Variants in RBFOX1 observed in about 807,000 individuals in gnomAD.
RBFOX1 encodes RNA binding fox-1 homolog 1, also known as RNA binding protein fox-1 homolog 1.
RBFOX1 carries 8 observed loss-of-function variants against 57.7 expected under a neutral mutation model. That is an observed-to-expected ratio of 0.14 (90% CI 0.08 to 0.25). The LOEUF (loss-of-function observed/expected upper bound fraction) is 0.25, where lower values mean the gene tolerates loss of function less well. Among genes scored for constraint, RBFOX1 ranks in the 10% least tolerant of loss-of-function variants. The pLI is 1.00. For missense variants in RBFOX1, 611 were observed against 548.5 expected (o/e 1.11, Z -1.14); for synonymous variants, 326 against 222.4 (o/e 1.47, Z -4.15).
chr16:6,564,461 AAAAC>A (rs200272218), intron 2 of RBFOX1, among the ~76,000 whole-genome samples: 4,347 of 111,238 alleles, frequency 0.039, 215 homozygotes, highest in African/African-American at 0.11. Context: ...CTCTGTCTCA[AAAAC>A]AAACAAAAAC....
intron 4 of RBFOX1, among the ~76,000 whole-genome samples, chr16:7,208,187 CTG>C (rs1464671894): frequency 6.6e-6 from 1 of 152,124 alleles, no homozygotes; most frequent in Non-Finnish European, 1.5e-5. Flanking sequence ...AGGTATGAAA[CTG>C]TAGCCAATTA....
At chr16:7,246,496 C>T (rs2094304962) in intron 4 of RBFOX1, among the ~76,000 whole-genome samples, 3 of 152,144 alleles carry the variant, frequency 2.0e-5, no homozygotes, top group African/African-American at 7.2e-5. Flanking sequence ...CATTATCTGG[C>T]CTCTCTCCAG....
intron 3 of RBFOX1, among the ~76,000 whole-genome samples, chr16:7,025,225 C>A (rs1163525555): frequency 6.6e-6 from 1 of 152,128 alleles, no homozygotes; most frequent in Non-Finnish European, 1.5e-5. Context: ...TCATGTCTCC[C>A]CTTTTTAGAC....
Position 6,649,066 on chromosome 16 carries a change from C to T in RBFOX1, c.-63-5537C>T, listed in dbSNP as rs143461779. Among the ~76,000 whole-genome samples, 395 of 152,308 alleles carry T rather than the reference C, an allele frequency of 2.6e-3. 2 individuals carry two copies. The highest frequency in any genetic ancestry group is 8.6e-3 in the African/African-American group (358 of 41,572). ...ATTTTAACTTATTCCTCCTGTCTCA[C>T]TGAAATTTTATGTCTTTAGGCCCAG... On this transcript the variant is annotated intron_variant, in intron 2 of 15. Transcript: ENST00000550418.
chr16:7,536,330 A>T (rs2081459159), intron 5 of RBFOX1, among the ~76,000 whole-genome samples: 1 of 152,244 alleles, frequency 6.6e-6, no homozygotes, highest in Non-Finnish European at 1.5e-5. Flanking sequence ...GCGGTGGCTC[A>T]TGCCTGTATT....
chr16:7,196,442 T>C (rs1419059315), intron 4 of RBFOX1, among the ~76,000 whole-genome samples: 1 of 152,204 alleles, frequency 6.6e-6, no homozygotes, highest in East Asian at 1.9e-4. Context: ...TTCAGACCAT[T>C]GCCAACACTG....
intron 4 of RBFOX1, among the ~76,000 whole-genome samples, chr16:7,082,312 C>A (rs1432100337): frequency 6.6e-6 from 1 of 151,984 alleles, no homozygotes; most frequent in Non-Finnish European, 1.5e-5. Context: ...TGGGCGTGGT[C>A]GTTTCTGCCT....
intron 2 of RBFOX1, among the ~76,000 whole-genome samples, chr16:6,628,649 T>G (rs776473252): frequency 3.3e-5 from 5 of 152,154 alleles, no homozygotes; most frequent in Non-Finnish European, 7.3e-5. Flanking sequence ...CATGGTTTGT[T>G]TGTGGTCTTT....
At chr16:6,114,656 C>G (rs1000863936) in intron 1 of RBFOX1, among the ~76,000 whole-genome samples, 2 of 152,082 alleles carry the variant, frequency 1.3e-5, no homozygotes, top group Non-Finnish European at 2.9e-5. Context: ...GATATGCTTG[C>G]CTTGTCTGTT....
chr16:5,346,516 G>A (rs889347350), intron 1 of RBFOX1, among the ~76,000 whole-genome samples: 6 of 152,174 alleles, frequency 3.9e-5, no homozygotes, highest in African/African-American at 7.2e-5. Context: ...AACCGCAAGA[G>A]CAAAAGGCTG....
intron 1 of RBFOX1, among the ~76,000 whole-genome samples, chr16:6,043,613 A>G (rs2095465375): frequency 6.6e-6 from 1 of 152,156 alleles, no homozygotes; most frequent in Non-Finnish European, 1.5e-5. Flanking sequence ...ATGGCCAGAA[A>G]TTTCATGTTT....
intron 3 of RBFOX1, among the ~76,000 whole-genome samples, chr16:6,790,408 C>T (rs2082719765): frequency 6.6e-6 from 1 of 152,052 alleles, no homozygotes. Flanking sequence ...TGGTCTTGAA[C>T]TCCTGACCTC....
At chr16:6,237,843 C>T (rs911700134) in intron 1 of RBFOX1, among the ~76,000 whole-genome samples, 1 of 151,902 alleles carries the variant, frequency 6.6e-6, no homozygotes, top group African/African-American at 2.4e-5. Context: ...CCTGTAATCC[C>T]AGCACTTTGG....
Position 7,635,956 on chromosome 16 carries a change from G to A in RBFOX1, c.757+5273G>A, listed in dbSNP as rs191098003. Among the ~76,000 whole-genome samples the A allele has an allele frequency of 3.1e-3, 479 of 152,114 alleles. 2 individuals carry two copies. Among genetic ancestry groups the A allele is most frequent in the African/African-American group, 0.011 (437 of 41,504 alleles). ...CTCCCAAGTAGCTGGGACTACAGGC[G>A]CCCGCCACCATGCCCGGCTAATTTC... On this transcript the variant is annotated intron_variant, in intron 11 of 15. Coordinates refer to ENST00000550418, the MANE Select transcript of RBFOX1 (RefSeq NM_018723.4).
chr16:5,809,719 T>G (rs1173710564), intron 3 of RBFOX1, among the ~76,000 whole-genome samples: 1 of 152,206 alleles, frequency 6.6e-6, no homozygotes, highest in African/African-American at 2.4e-5. Context: ...ACTTTTACAC[T>G]GTTGGTGGGA....
At chr16:5,295,042 A>AAG (rs1436261059) in intron 1 of RBFOX1, among the ~76,000 whole-genome samples, 1 of 115,452 alleles carries the variant, frequency 8.7e-6, no homozygotes, top group African/African-American at 2.6e-5. Context: ...AAAAAAAAAA[A>AAG]AAGACAGAGT....
At chr16:7,296,641 G>A (rs2095897352) in intron 4 of RBFOX1, among the ~76,000 whole-genome samples, 2 of 152,186 alleles carry the variant, frequency 1.3e-5, no homozygotes, top group Admixed American at 6.5e-5. Flanking sequence ...CAGAACACCT[G>A]CATGATGGGC....
chr16:5,475,789 C>G (rs2069300630), intron 2 of RBFOX1, among the ~76,000 whole-genome samples: 2 of 152,176 alleles, frequency 1.3e-5, no homozygotes. Flanking sequence ...CTGGACCTGG[C>G]TCTAGTTTTT....
At chr16:5,479,527 G>C (rs916377898) in intron 2 of RBFOX1, among the ~76,000 whole-genome samples, 2 of 152,168 alleles carry the variant, frequency 1.3e-5, no homozygotes, top group Admixed American at 1.3e-4. Context: ...GGGAGGCTGA[G>C]GCAGGTGGAT....
Sources: gnomAD v4.1 joint callset for allele counts (sites outside exome capture counted in the v4.1 genomes callset) on GRCh38, gnomAD v4.1.1 for gene constraint, MANE v1.5 for transcripts, NCBI Gene and HGNC (gene_info 2026-07-23, HGNC 2026-07-21) for gene names.